Variants in DNAJA1 observed in about 807,000 individuals in gnomAD.
DNAJA1 encodes the protein DnaJ heat shock protein family (Hsp40) member A1.
In DNAJA1, 26 loss-of-function variants were observed where a neutral mutation model predicts 47.6. The observed-to-expected ratio is 0.55, with a 90% CI of 0.40 to 0.76. The LOEUF (loss-of-function observed/expected upper bound fraction) is 0.76, where lower values mean the gene tolerates loss of function less well. DNAJA1 is among the 30% of genes least tolerant of loss of function. The pLI is 0.00. For missense variants in DNAJA1, 315 were observed against 485.0 expected (o/e 0.65, Z 3.29); for synonymous variants, 165 against 158.4 (o/e 1.04, Z -0.31).
chr9:33,030,649 G>C lies in DNAJA1; in HGVS notation c.625G>C (p.Glu209Gln), dbSNP rs1407990158. ...RKIVREKKIL[E>Q]VHIDKGMKDG... Reference sequence around the variant, plus strand: ...GATAGTTCGAGAGAAGAAAATTTTAGAAGTTCATATTGACAAAGGTGAGTT... The same window carrying C: ...GATAGTTCGAGAGAAGAAAATTTTACAAGTTCATATTGACAAAGGTGAGTT... Residue 209 changes from glutamate (E) to glutamine (Q), a missense_variant, in exon 5 of 9, where the codon GAA (glutamate) becomes CAA (glutamine). Glu to Gln is a conservative substitution (Grantham distance 29). Coordinates refer to ENST00000330899, the MANE Select transcript of DNAJA1 (RefSeq NM_001539.4). 3 of 1,612,724 alleles carry C rather than the reference G, an allele frequency of 1.9e-6. No individual in the cohort carries two copies. In the African/African-American group the frequency reaches 4.0e-5, roughly 21 times the overall value.
chr9:33,038,559 CCTG>C, intron 8 of DNAJA1, 123 bp from the exon 9 acceptor site: 1 of 822,114 alleles, frequency 1.2e-6, no homozygotes, highest in Non-Finnish European at 1.9e-6. Flanking sequence ...CCTGTTCTAA[CCTG>C]AGATTGGCAG....
At chr9:33,036,744 T>G in intron 7 of DNAJA1, 55 bp downstream of exon 7, 2 of 1,350,914 alleles carry the variant, frequency 1.5e-6, no homozygotes, top group Non-Finnish European at 2.1e-6. Context: ...ATTTTCCTTG[T>G]CTCCTGTTAA....
At chr9:33,037,881 TA>T (rs1839059818) in intron 8 of DNAJA1, among the ~76,000 whole-genome samples, 1 of 152,196 alleles carries the variant, frequency 6.6e-6, no homozygotes, top group Non-Finnish European at 1.5e-5. Flanking sequence ...TGCTTTATAA[TA>T]ATTGCAGATT....
In DNAJA1 at chr9:33,039,694, T is replaced by C. The variant is rs1376091600; in HGVS notation, c.*791T>C. On this transcript the variant is annotated 3_prime_UTR_variant, in exon 9 of 9. Transcript: ENST00000330899. ...ACGTGGAGAATTTGCATGCGTAATATAGGAAGGTGTTCTTTAGGTATGTTA... is the reference window on the plus strand; with the variant it reads ...ACGTGGAGAATTTGCATGCGTAATACAGGAAGGTGTTCTTTAGGTATGTTA... 1 of 151,798 alleles carries C rather than the reference T, an allele frequency of 6.6e-6. No individual in the cohort carries two copies. Among genetic ancestry groups the C allele is most frequent in the African/African-American group, 2.4e-5 (1 of 41,362 alleles). The allele number at this position is 151,798 out of a possible 1,614,324, so 9.4% of individuals were successfully genotyped here.
At chr9:33,034,767 C>T (rs1451293829) in intron 6 of DNAJA1, among the ~76,000 whole-genome samples, 1 of 152,186 alleles carries the variant, frequency 6.6e-6, no homozygotes, top group Non-Finnish European at 1.5e-5. Context: ...AAATTCAGGT[C>T]TACCATTTTG....
At chr9:33,037,946 T>G (rs1839061081) in intron 8 of DNAJA1, among the ~76,000 whole-genome samples, 1 of 152,150 alleles carries the variant, frequency 6.6e-6, no homozygotes, top group South Asian at 2.1e-4. Context: ...AGCAATCCAG[T>G]CATTTTCCTG....
Position 33,029,886 on chromosome 9 carries a change from TA to T in DNAJA1, c.317del (p.Asn106MetfsTer8). On this transcript the variant is annotated frameshift_variant and splice_region_variant, in exon 4 of 9. Coordinates refer to ENST00000330899, the MANE Select transcript of DNAJA1 (RefSeq NM_001539.4). LOFTEE classifies it high-confidence loss of function. Reference sequence around the variant, plus strand: ...GCAATGAGAAATATTTTGTTTTAGGTAAAAATGTTGTACATCAGCTCTCAGT... The same window carrying T: ...GCAATGAGAAATATTTTGTTTTAGGTAAAATGTTGTACATCAGCTCTCAGT... ...GGRMQRERRG[K>X]NVVHQLSVTL... is the part of the protein sequence containing the mutation. 6.2e-7 allele frequency: 1 copy of T among 1,602,712 alleles called. No homozygotes were observed.
At chr9:33,030,385 T>A in intron 4 of DNAJA1, 55 bp from the exon 5 acceptor site, 3 of 1,502,348 alleles carry the variant, frequency 2.0e-6, no homozygotes, top group Non-Finnish European at 1.8e-6. Context: ...TTAAAACATT[T>A]ACTACTGTAT....
chr9:33,027,141 T>G, intron 3 of DNAJA1, 151 bp downstream of exon 3: 1 of 959,902 alleles, frequency 1.0e-6, no homozygotes, highest in Non-Finnish European at 1.5e-6. Flanking sequence ...GGTGTCGTGT[T>G]TTTTTGTTGT....
intron 3 of DNAJA1, 94 bp downstream of exon 3, chr9:33,027,084 A>G: frequency 6.8e-7 from 1 of 1,463,732 alleles, no homozygotes; most frequent in Non-Finnish European, 9.3e-7. Context: ...GCTTGTTTAC[A>G]TGTTGGTATA....
chr9:33,038,465 CAATCATTTTTAAT>C (rs1839067964), intron 8 of DNAJA1, among the ~76,000 whole-genome samples: 2 of 152,302 alleles, frequency 1.3e-5, no homozygotes, highest in African/African-American at 4.8e-5. Context: ...TTATTTAATA[CAATCATTTTTAAT>C]AAAGCCTGAC....
intron 1 of DNAJA1, among the ~76,000 whole-genome samples, chr9:33,025,675 T>A (rs992825126): frequency 1.3e-5 from 2 of 148,662 alleles, no homozygotes; most frequent in Admixed American, 6.7e-5. Flanking sequence ...GCGGCCCCCC[T>A]CCCCGTCCGT....
intron 4 of DNAJA1, 36 bp downstream of exon 4, chr9:33,030,025 T>G (rs1587697456): frequency 6.3e-7 from 1 of 1,576,286 alleles, no homozygotes; most frequent in South Asian, 1.1e-5. Flanking sequence ...GTTTTGTTTT[T>G]AAGCACCTTT....
intron 8 of DNAJA1, 146 bp from the exon 9 acceptor site, chr9:33,038,539 C>CT (rs2119399389): frequency 1.4e-6 from 1 of 690,510 alleles, no homozygotes; most frequent in South Asian, 1.9e-5. Context: ...TGCACTGTGC[C>CT]TTTTTAGAGC....
chr9:33,032,567 TGTAA>T (rs1353508868), intron 5 of DNAJA1, among the ~76,000 whole-genome samples: 2 of 152,248 alleles, frequency 1.3e-5, no homozygotes, highest in East Asian at 3.8e-4. Context: ...AACAATGGAC[TGTAA>T]GTGAGAACTT....
intron 5 of DNAJA1, among the ~76,000 whole-genome samples, chr9:33,030,874 A>G (rs1387300429): frequency 6.6e-6 from 1 of 152,180 alleles, no homozygotes; most frequent in Non-Finnish European, 1.5e-5. Context: ...TATATTAGGA[A>G]TCTCCTCATT....
chr9:33,028,172 A>G (rs929430608), intron 3 of DNAJA1, among the ~76,000 whole-genome samples: 1 of 152,208 alleles, frequency 6.6e-6, no homozygotes, highest in Admixed American at 6.5e-5. Context: ...GAGTAAGTTA[A>G]AGTTCAGAAA....
chr9:33,026,374 C>G (rs1838849666), intron 1 of DNAJA1, 101 bp from the exon 2 acceptor site: 5 of 1,309,558 alleles, frequency 3.8e-6, no homozygotes, highest in South Asian at 1.4e-5. Flanking sequence ...AGGTGGTGTT[C>G]TTATAATCGG....
chr9:33,039,701 G>C lies in DNAJA1; in HGVS notation c.*798G>C, dbSNP rs1478176527. ...GAATTTGCATGCGTAATATAGGAAGGTGTTCTTTAGGTATGTTACAGGATT... is the reference window on the plus strand; with the variant it reads ...GAATTTGCATGCGTAATATAGGAAGCTGTTCTTTAGGTATGTTACAGGATT... On this transcript the variant is annotated 3_prime_UTR_variant, in exon 9 of 9. Coordinates refer to ENST00000330899, the MANE Select transcript of DNAJA1 (RefSeq NM_001539.4). 6.6e-6 allele frequency: 1 copy of C among 151,742 alleles called. No individual in the cohort carries two copies. Among genetic ancestry groups the C allele is most frequent in the Non-Finnish European group, 1.5e-5 (1 of 67,914 alleles). 9.4% of individuals were successfully genotyped at this position (151,742 alleles called of 1,614,324 possible).
Sources: allele counts gnomAD v4.1 joint callset (sites outside exome capture counted in the v4.1 genomes callset), GRCh38; gene constraint gnomAD v4.1.1; transcripts MANE v1.5; gene names NCBI Gene and HGNC (gene_info 2026-07-23, HGNC 2026-07-21).